Variants in MAP3K5 observed in about 807,000 individuals in gnomAD.
MAP3K5 encodes mitogen-activated protein kinase kinase kinase 5.
MAP3K5 carries 56 observed loss-of-function variants against 158.7 expected under a neutral mutation model. The ratio of observed to expected loss-of-function variants is 0.35; its 90% confidence interval spans 0.28 to 0.44. MAP3K5 has a LOEUF of 0.44. MAP3K5 is among the 20% of genes least tolerant of loss of function. The probability of loss-of-function intolerance (pLI) is 1.00; values close to 1 mark genes in which losing one functional copy is unlikely to be tolerated. For missense variants in MAP3K5, 1,294 were observed against 1,674.8 expected, an observed-to-expected ratio of 0.77 and a Z score of 3.97; for synonymous variants, 579 against 601.7, an observed-to-expected ratio of 0.96 and a Z score of 0.55.
At chr6:136,683,486 T>C (rs1405115588) in intron 7 of MAP3K5, among the ~76,000 whole-genome samples, 2 of 152,218 alleles carry the variant, frequency 1.3e-5, no homozygotes, top group Non-Finnish European at 2.9e-5. Context: ...GACTGATGTC[T>C]TTCAGCTGCT....
At position 136,774,465 on chromosome 6, in the gene MAP3K5, A is replaced by G. The variant is rs775575510; in HGVS notation, c.448+17245T>C. Reference sequence around the variant, plus strand: ...GTGACTCAGTCTCAAATTTTTTAAAAAACAACAACAACAAACAATTAGCAC... The same window carrying G: ...GTGACTCAGTCTCAAATTTTTTAAAGAACAACAACAACAAACAATTAGCAC... On this transcript the variant is annotated intron_variant, in intron 1 of 29. Transcript: ENST00000359015. 2.2e-4 allele frequency among the ~76,000 whole-genome samples: 34 copies of G among 152,266 alleles called. 1 individual carries two copies. In the South Asian group the frequency reaches 4.6e-3, roughly 20 times the overall value.
intron 1 of MAP3K5, among the ~76,000 whole-genome samples, chr6:136,770,289 A>G (rs908750740): frequency 1.3e-5 from 2 of 152,176 alleles, no homozygotes; most frequent in South Asian, 4.1e-4. Context: ...AGAACAGTGC[A>G]CTGTTTATAA....
intron 25 of MAP3K5, among the ~76,000 whole-genome samples, chr6:136,575,643 T>C (rs1176482966): frequency 3.9e-5 from 6 of 152,154 alleles, no homozygotes; most frequent in Admixed American, 3.9e-4. Flanking sequence ...TTGAGGAGTA[T>C]TGGTCAGGTT....
intron 15 of MAP3K5, among the ~76,000 whole-genome samples, chr6:136,616,297 CCTCTTTT>C (rs1302847477): frequency 1.8e-4 from 26 of 147,840 alleles, no homozygotes; most frequent in Admixed American, 1.0e-3. Flanking sequence ...CATACCTGCT[CCTCTTTT>C]TTTTTTTTTT....
chr6:136,707,960 C>T (rs1469974787), intron 2 of MAP3K5, among the ~76,000 whole-genome samples: 1 of 152,160 alleles, frequency 6.6e-6, no homozygotes, highest in Non-Finnish European at 1.5e-5. Flanking sequence ...AAATAGAGAA[C>T]AGTTTTTTAT....
chr6:136,656,514 C>T (rs1778754985), intron 9 of MAP3K5, 54 bp from the exon 10 acceptor site: 7 of 1,061,400 alleles, frequency 6.6e-6, no homozygotes, highest in Non-Finnish European at 9.6e-6. Context: ...ACCACCTGTT[C>T]CCATGTATCC....
In MAP3K5 at chr6:136,792,169, G is replaced by C. The variant is rs1165710165; in HGVS notation, c.-12C>G. The C allele has an allele frequency of 6.5e-7, 1 of 1,539,134 alleles. No individual in the cohort carries two copies. Among genetic ancestry groups the C allele is most frequent in the Non-Finnish European group, 8.7e-7 (1 of 1,146,164 alleles). On this transcript the variant is annotated 5_prime_UTR_variant, in exon 1 of 30. Transcript: ENST00000359015. This position sits in a 1 kb window ranked among gnomAD's most constrained non-coding sequence, Gnocchi z 5.7. Reference sequence around the variant, plus strand: ...GCCTCCGTGCTCATCTCTCCGGGCCGGGCAGCAACGGCGGCGGCGTCCCCC... The same window carrying C: ...GCCTCCGTGCTCATCTCTCCGGGCCCGGCAGCAACGGCGGCGGCGTCCCCC...
intron 1 of MAP3K5, among the ~76,000 whole-genome samples, chr6:136,723,888 CT>C (rs1408855329): frequency 6.6e-6 from 1 of 152,088 alleles, no homozygotes; most frequent in Non-Finnish European, 1.5e-5. Context: ...AAAGAGTTTT[CT>C]TTTGGGGTCC....
chr6:136,609,306 A>C lies in MAP3K5; in HGVS notation c.2521+1976T>G, dbSNP rs532133480. On this transcript the variant is annotated intron_variant, in intron 18 of 29. Coordinates refer to ENST00000359015, the MANE Select transcript of MAP3K5 (RefSeq NM_005923.4). The surrounding 1 kb of genome is among the most constrained non-coding windows in gnomAD (Gnocchi z 4.4). ...GAATTTAGTTTTTTCAAAAAAATAT[A>C]TTCAAAATGTGTTTAATTCTGTACC... Among the ~76,000 whole-genome samples, 1 of 152,336 alleles carries C rather than the reference A, an allele frequency of 6.6e-6. No individual in the cohort carries two copies. The highest frequency in any genetic ancestry group is 2.1e-4 in the South Asian group (1 of 4,830).
intron 1 of MAP3K5, among the ~76,000 whole-genome samples, chr6:136,763,871 G>A (rs1045090197): frequency 2.0e-5 from 3 of 152,146 alleles, no homozygotes; most frequent in African/African-American, 7.2e-5. Context: ...GGTGACTAAA[G>A]AGGAAATGAG....
chr6:136,596,527 A>G (rs1775638818), intron 21 of MAP3K5, among the ~76,000 whole-genome samples: 1 of 152,150 alleles, frequency 6.6e-6, no homozygotes, highest in African/African-American at 2.4e-5. Flanking sequence ...CAGTGAGGCC[A>G]TTTGTAGATC....
At chr6:136,733,492 C>T (rs1010369665) in intron 1 of MAP3K5, among the ~76,000 whole-genome samples, 2 of 152,152 alleles carry the variant, frequency 1.3e-5, no homozygotes, top group Non-Finnish European at 2.9e-5. Flanking sequence ...TAGCAGTCTC[C>T]TACATAATTT....
At chr6:136,718,853 C>T (rs191079465) in intron 2 of MAP3K5, among the ~76,000 whole-genome samples, 1 of 152,144 alleles carries the variant, frequency 6.6e-6, no homozygotes, top group African/African-American at 2.4e-5. Flanking sequence ...AAATCTCCAA[C>T]ATAATAGGGC....
chr6:136,582,666 T>C (rs1461154607), intron 24 of MAP3K5, among the ~76,000 whole-genome samples: 1 of 152,236 alleles, frequency 6.6e-6, no homozygotes, highest in African/African-American at 2.4e-5. Flanking sequence ...TTGGGGATCA[T>C]TTGATGTTGC....
At chr6:136,670,203 TA>T (rs1779422696) in intron 7 of MAP3K5, among the ~76,000 whole-genome samples, 1 of 152,132 alleles carries the variant, frequency 6.6e-6, no homozygotes, top group Non-Finnish European at 1.5e-5. Flanking sequence ...CTTCAATATT[TA>T]AAAGGACTTC....
intron 18 of MAP3K5, among the ~76,000 whole-genome samples, chr6:136,608,967 C>T (rs72979521): frequency 0.01 from 1,533 of 152,256 alleles, 6 homozygotes; most frequent in Non-Finnish European, 0.016. Context: ...GCAGGGCCCT[C>T]GGGACCGGTG....
At chr6:136,769,612 G>A (rs1784093637) in intron 1 of MAP3K5, among the ~76,000 whole-genome samples, 1 of 150,134 alleles carries the variant, frequency 6.7e-6, no homozygotes, top group African/African-American at 2.5e-5. Flanking sequence ...GGAGAGGGAA[G>A]AGGGAAGCCC....
chr6:136,650,792 A>G (rs566995621), intron 11 of MAP3K5, among the ~76,000 whole-genome samples, 192 bp downstream of exon 11: 3 of 152,334 alleles, frequency 2.0e-5, no homozygotes, highest in African/African-American at 7.2e-5. Flanking sequence ...ATTATATTTT[A>G]TTAATACTGA....
chr6:136,612,907 C>T (rs1776405759), intron 17 of MAP3K5, among the ~76,000 whole-genome samples: 1 of 152,156 alleles, frequency 6.6e-6, no homozygotes, highest in African/African-American at 2.4e-5. Context: ...GTTGGCTGAA[C>T]GCAGTTAAGC....
Sources: allele counts gnomAD v4.1 joint callset (sites outside exome capture counted in the v4.1 genomes callset), GRCh38; gene constraint gnomAD v4.1.1; non-coding constraint Gnocchi (gnomAD v3.1); transcripts MANE v1.5; gene names NCBI Gene and HGNC (gene_info 2026-07-23, HGNC 2026-07-21).